The following AUTS2 variants were observed in gnomAD, a reference collection of about 807,000 sequenced individuals.
AUTS2 encodes activator of transcription and developmental regulator AUTS2.
In AUTS2, 17 loss-of-function variants were observed where a neutral mutation model predicts 112.4. The observed-to-expected ratio is 0.15, with a 90% CI of 0.10 to 0.23. AUTS2 has a LOEUF of 0.23. AUTS2 is among the 10% of genes least tolerant of loss of function. The probability of loss-of-function intolerance (pLI) is 1.00; values close to 1 mark genes in which losing one functional copy is unlikely to be tolerated. For synonymous variants in AUTS2, 751 were observed against 702.7 expected, an observed-to-expected ratio of 1.07 and a Z score of -1.09; for missense variants, 1,510 against 1,701.6, an observed-to-expected ratio of 0.89 and a Z score of 1.98.
intron 1 of AUTS2, among the ~76,000 whole-genome samples, chr7:69,665,533 C>CTATCCTTACATAGTCAGG (rs1795993027): frequency 6.6e-6 from 1 of 152,166 alleles, no homozygotes; most frequent in Non-Finnish European, 1.5e-5. Context: ...TAGTCAGGAT[C>CTATCCTTACATAGTCAGG]ATACGGCATT....
chr7:70,739,652 A>G (rs1787986951), intron 6 of AUTS2, among the ~76,000 whole-genome samples: 1 of 152,068 alleles, frequency 6.6e-6, no homozygotes, highest in South Asian at 2.1e-4. Context: ...TTGGAGGACC[A>G]TCTTAAAGGT....
chr7:70,566,554 G>C (rs184313213), intron 5 of AUTS2, among the ~76,000 whole-genome samples: 7 of 152,194 alleles, frequency 4.6e-5, no homozygotes, highest in Admixed American at 4.6e-4. Context: ...CAAAAAAATA[G>C]CATTGAAATA....
intron 4 of AUTS2, among the ~76,000 whole-genome samples, chr7:70,250,262 G>A (rs756585986): frequency 2.2e-4 from 33 of 152,238 alleles, no homozygotes; most frequent in Admixed American, 7.9e-4. Flanking sequence ...AGGTAAGAAT[G>A]GTCAGACTGT....
intron 5 of AUTS2, among the ~76,000 whole-genome samples, chr7:70,648,878 G>A (rs1198702071): frequency 2.6e-5 from 4 of 152,062 alleles, no homozygotes; most frequent in African/African-American, 4.8e-5. Flanking sequence ...GAGCCACCGC[G>A]CCCAGCCCTG....
Position 70,387,498 on chromosome 7 carries a change from C to T in AUTS2, c.661-48254C>T, listed in dbSNP as rs567960404. ...ATTTTCTCCCTTTCCAGCCTCATAACACCATCTGGCTCCTAACTATGTGGA... is the reference window on the plus strand; with the variant it reads ...ATTTTCTCCCTTTCCAGCCTCATAATACCATCTGGCTCCTAACTATGTGGA... On this transcript the variant is annotated intron_variant, in intron 4 of 18. Coordinates refer to ENST00000342771, the MANE Select transcript of AUTS2 (RefSeq NM_015570.4). Among the ~76,000 whole-genome samples the T allele has an allele frequency of 1.7e-3, 262 of 152,276 alleles. 1 individual carries two copies. The highest frequency in any genetic ancestry group is 6.0e-3 in the African/African-American group (249 of 41,546).
At chr7:70,109,491 T>C (rs1344972637) in intron 2 of AUTS2, among the ~76,000 whole-genome samples, 2 of 152,354 alleles carry the variant, frequency 1.3e-5, no homozygotes, top group East Asian at 3.9e-4. Context: ...TCTATTCTTG[T>C]ACATCTTTTT....
At chr7:69,614,835 T>A (rs1793279778) in intron 1 of AUTS2, among the ~76,000 whole-genome samples, 1 of 152,198 alleles carries the variant, frequency 6.6e-6, no homozygotes, top group South Asian at 2.1e-4. Flanking sequence ...CACCATGCTC[T>A]GAGACACACA....
chr7:70,239,158 A>C (rs917113063), intron 4 of AUTS2, among the ~76,000 whole-genome samples: 5 of 152,130 alleles, frequency 3.3e-5, no homozygotes, highest in Non-Finnish European at 7.3e-5. Flanking sequence ...AATTTTATGA[A>C]CTACAAAATT....
intron 5 of AUTS2, among the ~76,000 whole-genome samples, chr7:70,530,812 A>G (rs1800053733): frequency 1.3e-5 from 2 of 151,974 alleles, no homozygotes; most frequent in Non-Finnish European, 2.9e-5. Flanking sequence ...TTCCTCTCCT[A>G]CTGCTTCCTT....
chr7:70,023,148 A>G lies in AUTS2; in HGVS notation c.523-94984A>G, dbSNP rs76988246. Among the ~76,000 whole-genome samples the G allele has an allele frequency of 1.2e-4, 19 of 152,246 alleles. No homozygotes were observed. In the East Asian group the frequency reaches 3.3e-3, roughly 26 times the overall value. ...GTGTGAGCCACTGTGCCCAGCCTCT[A>G]ATTGGTGACTTCTCAATTAACTTTG... On this transcript the variant is annotated intron_variant, in intron 2 of 18. Coordinates refer to ENST00000342771, the MANE Select transcript of AUTS2 (RefSeq NM_015570.4).
chr7:69,741,916 C>A (rs992577205), intron 1 of AUTS2, among the ~76,000 whole-genome samples: 18 of 151,878 alleles, frequency 1.2e-4, no homozygotes, highest in Non-Finnish European at 2.5e-4. Flanking sequence ...TGATCCTCCC[C>A]ACTTAGCCTC....
At chr7:70,522,593 A>G (rs796435723) in intron 5 of AUTS2, among the ~76,000 whole-genome samples, 8 of 152,338 alleles carry the variant, frequency 5.3e-5, no homozygotes, top group African/African-American at 1.9e-4. Flanking sequence ...GGTTAGGCTA[A>G]TGGCCTCTAG....
intron 2 of AUTS2, among the ~76,000 whole-genome samples, chr7:70,035,388 T>C (rs1410591830): frequency 6.6e-6 from 1 of 152,174 alleles, no homozygotes; most frequent in Non-Finnish European, 1.5e-5. Flanking sequence ...ATAACACCAG[T>C]CTCACAGAAT....
intron 5 of AUTS2, among the ~76,000 whole-genome samples, chr7:70,493,456 A>G (rs1421567364): frequency 6.6e-6 from 1 of 152,188 alleles, no homozygotes; most frequent in Non-Finnish European, 1.5e-5. Flanking sequence ...GTTGTGTCAG[A>G]GAGCCTTCTT....
At chr7:70,228,418 G>T (rs1811881240) in intron 4 of AUTS2, among the ~76,000 whole-genome samples, 1 of 150,858 alleles carries the variant, frequency 6.6e-6, no homozygotes, top group African/African-American at 2.4e-5. Flanking sequence ...TTTATTTATA[G>T]TTAATATTAT....
At chr7:69,890,477 C>A (rs981264294) in intron 1 of AUTS2, among the ~76,000 whole-genome samples, 1 of 152,000 alleles carries the variant, frequency 6.6e-6, no homozygotes. Flanking sequence ...ATATGTGTAT[C>A]ATTATATACA....
intron 1 of AUTS2, among the ~76,000 whole-genome samples, chr7:69,625,610 A>G (rs1301335551): frequency 2.6e-5 from 4 of 152,098 alleles, no homozygotes; most frequent in Admixed American, 6.5e-5. Context: ...TGTAATCCCA[A>G]TACTTTGGGA....
chr7:70,342,497 C>G lies in AUTS2; in HGVS notation c.661-93255C>G, dbSNP rs189952063. ...ATCCCATCACTGCCCAGTAGAACTT[C>G]CCATGATGTTGGAAGTGTTCTGTAC... On this transcript the variant is annotated intron_variant, in intron 4 of 18. Transcript: ENST00000342771. 7.2e-5 allele frequency among the ~76,000 whole-genome samples: 11 copies of G among 152,200 alleles called. No homozygotes were observed. The East Asian group carries it at 2.1e-3, about 29-fold the overall frequency.
In AUTS2 at chr7:69,876,378, A is replaced by ATATG. The variant is rs1554396548; in HGVS notation, c.310-22905_310-22904insGTAT. On this transcript the variant is annotated intron_variant, in intron 1 of 18. Coordinates refer to ENST00000342771, the MANE Select transcript of AUTS2 (RefSeq NM_015570.4). ...TATATATATATATATATATATATAT[A>ATATG]TATATGTATATATAATATGTATTAT... 3.0e-3 allele frequency among the ~76,000 whole-genome samples: 335 copies of ATATG among 113,006 alleles called. 4 individuals carry two copies. Among genetic ancestry groups the ATATG allele is most frequent in the Non-Finnish European group, 4.1e-3 (233 of 56,306 alleles). 74.1% of individuals were successfully genotyped at this position (113,006 alleles called of 152,430 possible).
Sources: gnomAD v4.1 joint callset for allele counts (sites outside exome capture counted in the v4.1 genomes callset) on GRCh38, gnomAD v4.1.1 for gene constraint, MANE v1.5 for transcripts, NCBI Gene and HGNC (gene_info 2026-07-23, HGNC 2026-07-21) for gene names.